The following CACNA2D4 variants were observed in gnomAD, a reference collection of about 807,000 sequenced individuals.
CACNA2D4 encodes voltage-dependent calcium channel subunit alpha-2/delta-4.
In CACNA2D4, 157 loss-of-function variants were observed where a neutral mutation model predicts 163.8. That is an observed-to-expected ratio of 0.96 (90% CI 0.84 to 1.09). The LOEUF (loss-of-function observed/expected upper bound fraction) is 1.09, where lower values mean the gene tolerates loss of function less well. Among genes scored for constraint, CACNA2D4 ranks in the 50% least tolerant of loss-of-function variants. CACNA2D4 has a pLI of 0.00. For synonymous variants in CACNA2D4, 598 were observed against 586.9 expected, an observed-to-expected ratio of 1.02 and a Z score of -0.27; for missense variants, 1,410 against 1,479.9, an observed-to-expected ratio of 0.95 and a Z score of 0.78.
chr12:1,884,990 C>T lies in CACNA2D4; in HGVS notation c.1155G>A (p.Lys385=), dbSNP rs947876787. The T allele has an allele frequency of 2.5e-6, 4 of 1,613,594 alleles. No individual in the cohort carries two copies. The highest frequency in any genetic ancestry group is 3.3e-5 in the Admixed American group (2 of 60,006). The change falls in exon 10 of 38, where the codon AAG becomes AAA. Residue 385 remains lysine, a synonymous_variant. Coordinates refer to ENST00000382722, the MANE Select transcript of CACNA2D4 (RefSeq NM_172364.5). ...CAGGCCTCATTACAGTGGGCACCTG[C>T]TTCAGGATCTGGAAGGCTTCTCTCA... ...QALREAFQIL[K]QFQEAKQGSL... is the part of the protein sequence containing the mutation.
chr12:1,834,638 C>T lies in CACNA2D4; in HGVS notation c.2551+6101G>A. On this transcript the variant is annotated intron_variant, in intron 26 of 37. Coordinates refer to ENST00000382722, the MANE Select transcript of CACNA2D4 (RefSeq NM_172364.5). This position sits in a 1 kb window ranked among gnomAD's most constrained non-coding sequence, Gnocchi z 7.6. ...CGCCTCCCTCATGGCCAAGTACCAC[C>T]GGGAGCTCAAAAAGCGCCAGCCCCT... 1.9e-6 allele frequency: 3 copies of T among 1,600,572 alleles called. No individual in the cohort carries two copies. Among genetic ancestry groups the T allele is most frequent in the Non-Finnish European group, 2.5e-6 (3 of 1,179,848 alleles).
chr12:1,837,885 A>G (rs1864917974), intron 26 of CACNA2D4, among the ~76,000 whole-genome samples: 1 of 152,204 alleles, frequency 6.6e-6, no homozygotes, highest in East Asian at 1.9e-4. Flanking sequence ...CATGGTTCCC[A>G]GATAGAAGCC....
intron 6 of CACNA2D4, among the ~76,000 whole-genome samples, chr12:1,906,834 CT>C (rs1164410815): frequency 6.6e-6 from 1 of 152,236 alleles, no homozygotes; most frequent in Non-Finnish European, 1.5e-5. Context: ...CCTCTCGGGC[CT>C]TTCTGGTTTC....
At chr12:1,859,481 C>T (rs573370540) in intron 19 of CACNA2D4, among the ~76,000 whole-genome samples, 24 of 152,320 alleles carry the variant, frequency 1.6e-4, no homozygotes, top group Admixed American at 3.9e-4. Flanking sequence ...TCAGAGGTAA[C>T]GACCACTTGT....
chr12:1,898,674 ACT>A (rs1866463360), intron 6 of CACNA2D4, among the ~76,000 whole-genome samples: 2 of 140,728 alleles, frequency 1.4e-5, no homozygotes, highest in East Asian at 4.1e-4. Flanking sequence ...CATTCCCACA[ACT>A]CTGTGTGTGT....
chr12:1,863,778 C>T (rs1865576753), intron 18 of CACNA2D4, among the ~76,000 whole-genome samples: 1 of 152,010 alleles, frequency 6.6e-6, no homozygotes, highest in Admixed American at 6.6e-5. Flanking sequence ...TGAGCTGGTC[C>T]TGTGTACAAC....
In CACNA2D4 at chr12:1,879,840, A is replaced by G. The variant is rs775835283; in HGVS notation, c.1527T>C (p.Thr509=). The G allele has an allele frequency of 6.2e-7, 1 of 1,603,246 alleles. No homozygotes were observed. The highest frequency in any genetic ancestry group is 1.7e-5 in the Admixed American group (1 of 58,538). Residue 509 remains threonine (T), a synonymous_variant, in exon 14 of 38, where the codon ACT becomes ACC. Coordinates refer to ENST00000382722, the MANE Select transcript of CACNA2D4 (RefSeq NM_172364.5). ...TCTTGCTGAAGACTGGCATGGCCAC[A>G]GTGGTGAGCAGTGTCAGGCTCTGAG... The part of the protein sequence containing the change: ...SQAQSLTLLT[T]VAMPVFSKKN...
chr12:1,878,340 A>G lies in CACNA2D4; in HGVS notation c.1694T>C (p.Leu565Pro), dbSNP rs1171506507. The G allele has an allele frequency of 9.3e-6, 15 of 1,609,954 alleles. No individual in the cohort carries two copies. Among genetic ancestry groups the G allele is most frequent in the Middle Eastern group, 1.6e-4 (1 of 6,082 alleles). Reference sequence around the variant, plus strand: ...CAGGGGCCGGAGGTCGGGATGGGAGAGGATGTAGCCATTGTTGGTGTTCAG... The same window carrying G: ...CAGGGGCCGGAGGTCGGGATGGGAGGGGATGTAGCCATTGTTGGTGTTCAG... ...AFLNTNNGYI[L>P]SHPDLRPLYR... is the part of the protein sequence containing the mutation. Residue 565 changes from leucine to proline, a missense_variant, in exon 16 of 38, where the codon CTC becomes CCC. Physicochemically the swap from Leu to Pro is moderately conservative, Grantham distance 98 (BLOSUM62 -3). Transcript: ENST00000382722. This position sits in a 1 kb window ranked among gnomAD's most constrained non-coding sequence, Gnocchi z 4.6.
chr12:1,884,189 C>T (rs1245026770), intron 12 of CACNA2D4, 54 bp downstream of exon 12: 1 of 1,540,672 alleles, frequency 6.5e-7, no homozygotes, highest in East Asian at 2.3e-5. Context: ...CTGGGTAACC[C>T]TGTCTCCTGT....
At chr12:1,885,845 C>T (rs1056887731) in intron 9 of CACNA2D4, 120 bp downstream of exon 9, 12 of 723,488 alleles carry the variant, frequency 1.7e-5, no homozygotes, top group East Asian at 5.4e-5. Flanking sequence ...GTGCTCTGCT[C>T]TCATTCCAGG....
chr12:1,879,939 G>T lies in CACNA2D4; in HGVS notation c.1486-58C>A, dbSNP rs901270225. 6.8e-6 allele frequency: 8 copies of T among 1,170,634 alleles called. No individual in the cohort carries two copies. The East Asian group carries it at 2.1e-4, about 30-fold the overall frequency. 72.5% of individuals were successfully genotyped at this position (1,170,634 alleles called of 1,614,324 possible). On this transcript the variant is annotated intron_variant, in intron 13 of 37. Transcript: ENST00000382722. ...TGCGGCCTAGGGCCACTGGTTTGCC[G>T]CACTCGGAGCACCCAGTGCGGAGAA...
intron 20 of CACNA2D4, 105 bp downstream of exon 20, chr12:1,858,472 G>T: frequency 1.0e-6 from 1 of 955,462 alleles, no homozygotes; most frequent in East Asian, 2.6e-5. Flanking sequence ...CCTGGGAGCT[G>T]GGAGGCTGTC....
In CACNA2D4 at chr12:1,918,277, G is replaced by C. The variant is rs368680577; in HGVS notation, c.197C>G (p.Ala66Gly). ...CAGAGGAATCTTGGCCTGTCCCCAC[G>C]CAGGGGACAGGGAGGTGCCTAGAAG... ...LLLLGTSLSP[A>G]WGQAKIPLET... Residue 66 changes from alanine to glycine, a missense_variant, in exon 1 of 38, where the codon GCG becomes GGG. Transcript: ENST00000382722. 5 of 1,605,446 alleles carry C rather than the reference G, an allele frequency of 3.1e-6. No homozygotes were observed. Among genetic ancestry groups the C allele is most frequent in the Non-Finnish European group, 4.3e-6 (5 of 1,176,098 alleles).
chr12:1,907,607 ACTT>A, intron 5 of CACNA2D4, 36 bp from the exon 6 acceptor site: 2 of 1,590,010 alleles, frequency 1.3e-6, no homozygotes, highest in Non-Finnish European at 1.7e-6. Flanking sequence ...ATCCTGTAGA[ACTT>A]CTCAGGAAAA....
At chr12:1,849,365 C>T (rs1051060699) in intron 23 of CACNA2D4, among the ~76,000 whole-genome samples, 2 of 152,290 alleles carry the variant, frequency 1.3e-5, no homozygotes, top group East Asian at 3.9e-4. Context: ...TAATATAATA[C>T]AATTTGCTCT....
In CACNA2D4 at chr12:1,878,887, C is replaced by G; in HGVS notation, c.1644+69G>C. ...GGCTTGGCTTGCCTGGAGAGAGGCT[C>G]CCATCACGGGGGAGGGAGTTTGCTC... On this transcript the variant is annotated intron_variant, in intron 15 of 37. Coordinates refer to ENST00000382722, the MANE Select transcript of CACNA2D4 (RefSeq NM_172364.5). The surrounding 1 kb of genome is among the most constrained non-coding windows in gnomAD (Gnocchi z 4.6). The G allele has an allele frequency of 1.4e-6, 2 of 1,425,262 alleles. No homozygotes were observed. Among genetic ancestry groups the G allele is most frequent in the Non-Finnish European group, 1.9e-6 (2 of 1,026,038 alleles). 88.3% of individuals were successfully genotyped at this position (1,425,262 alleles called of 1,614,324 possible). A position where few individuals can be genotyped will look rare whatever the true frequency, so the allele number is the denominator to read the frequency against.
At chr12:1,848,236 C>T (rs1032556472) in intron 23 of CACNA2D4, among the ~76,000 whole-genome samples, 1 of 152,208 alleles carries the variant, frequency 6.6e-6, no homozygotes, top group Admixed American at 6.5e-5. Flanking sequence ...TTTCTCTCTC[C>T]ACTCTCCCTC....
chr12:1,844,540 G>A lies in CACNA2D4; in HGVS notation c.2343-11C>T. ...GGTGTCAGGAACTTCCTGCAAGGAGGAAGATGTGGTACCTCTCCCCAGATC... is the reference window on the plus strand; with the variant it reads ...GGTGTCAGGAACTTCCTGCAAGGAGAAAGATGTGGTACCTCTCCCCAGATC... On this transcript the variant is annotated splice_polypyrimidine_tract_variant and intron_variant, in intron 24 of 37. Coordinates refer to ENST00000382722, the MANE Select transcript of CACNA2D4 (RefSeq NM_172364.5). This position sits in a 1 kb window ranked among gnomAD's most constrained non-coding sequence, Gnocchi z 4.2. The A allele has an allele frequency of 6.2e-7, 1 of 1,611,570 alleles. No homozygotes were observed.
chr12:1,825,789 G>A (rs550502592), intron 26 of CACNA2D4, among the ~76,000 whole-genome samples: 33 of 152,256 alleles, frequency 2.2e-4, no homozygotes, highest in African/African-American at 7.5e-4. Context: ...GGTGACAGTC[G>A]CCAGGGAGTG....
Sources: allele counts gnomAD v4.1 joint callset (sites outside exome capture counted in the v4.1 genomes callset), GRCh38; gene constraint gnomAD v4.1.1; non-coding constraint Gnocchi (gnomAD v3.1); transcripts MANE v1.5; gene names NCBI Gene and HGNC (gene_info 2026-07-23, HGNC 2026-07-21).